SYT3: variants seen among roughly 807,000 people sequenced by gnomAD.
SYT3 encodes the protein synaptotagmin-3.
In SYT3, 25 loss-of-function variants were observed where a neutral mutation model predicts 50.6. That is an observed-to-expected ratio of 0.49 (90% CI 0.36 to 0.69). The LOEUF (loss-of-function observed/expected upper bound fraction) is 0.69. Among genes scored for constraint, SYT3 ranks in the 30% least tolerant of loss-of-function variants. The probability of loss-of-function intolerance (pLI) is 0.00; values close to 1 mark genes in which losing one functional copy is unlikely to be tolerated. For missense variants in SYT3, 589 were observed against 793.6 expected (o/e 0.74, Z 3.10); for synonymous variants, 323 against 353.9 (o/e 0.91, Z 0.98).
At chr19:50,641,566 G>A (rs1462138774), upstream of SYT3, among the ~76,000 whole-genome samples, 1 of 151,264 alleles carries the variant, frequency 6.6e-6, no homozygotes, top group African/African-American at 2.4e-5. Context: ...AGAATAAATA[G>A]CCAGGTGCGG....
At chr19:50,626,041 G>A (rs1220312615) in intron 6 of SYT3, 24 bp from the exon 7 acceptor site, 83 of 1,609,930 alleles carry the variant, frequency 5.2e-5, no homozygotes, top group Non-Finnish European at 6.9e-5. Flanking sequence ...AAAGGTCAGC[G>A]ATATCTTGCC....
upstream of SYT3, among the ~76,000 whole-genome samples, chr19:50,640,036 C>A (rs1316445337): frequency 6.6e-6 from 1 of 152,182 alleles, no homozygotes. Context: ...ACTGGGGACC[C>A]AGAGATCTAG....
chr19:50,657,948 C>T, the SYT3 span: 47 of 1,491,576 alleles, frequency 3.2e-5, no homozygotes, highest in Admixed American at 1.0e-3. Flanking sequence ...CAAAATGAAC[C>T]AGGAGGCCAC....
At chr19:50,652,065 C>A in the SYT3 span, among the ~76,000 whole-genome samples, 1,712 of 152,236 alleles carry the variant, frequency 0.011, 10 homozygotes, top group Non-Finnish European at 0.017. Flanking sequence ...CTCACTGCAG[C>A]CTCAAAATCC....
At position 50,625,527 on chromosome 19, in the gene SYT3, C is replaced by A; in HGVS notation, c.1440G>T (p.Arg480=). The A allele has an allele frequency of 6.2e-7, 1 of 1,605,808 alleles. No individual in the cohort carries two copies. The highest frequency in any genetic ancestry group is 8.5e-7 in the Non-Finnish European group (1 of 1,176,326). ...YVKASLISEG[R]RLKKRKTSIK... is the part of the protein sequence containing the mutation. ...TGGAGGTTTTCCGCTTCTTCAGACG[C>A]CGCCCCTCGCTGATCAGGGAGGCCT... The change falls in exon 8 of 11, where the codon CGG becomes CGT. Residue 480 remains arginine (R), a synonymous_variant. Coordinates refer to ENST00000600079, the MANE Select transcript of SYT3 (RefSeq NM_001160329.2). The surrounding 1 kb of genome is among the most constrained non-coding windows in gnomAD (Gnocchi z 7.5).
At position 50,625,783 on chromosome 19, in the gene SYT3, C is replaced by A; in HGVS notation, c.1402+114G>T. Reference sequence around the variant, plus strand: ...CCCTCCTCCCTCAGACCCAGGAGTCCAGATCCCCAGCTCCTCCTCCCTCAG... The same window carrying A: ...CCCTCCTCCCTCAGACCCAGGAGTCAAGATCCCCAGCTCCTCCTCCCTCAG... On this transcript the variant is annotated intron_variant, in intron 7 of 10. Transcript: ENST00000600079. This position sits in a 1 kb window ranked among gnomAD's most constrained non-coding sequence, Gnocchi z 7.5. The A allele has an allele frequency of 2.2e-5, 13 of 598,028 alleles. 6 individuals are homozygous for A. The highest frequency in any genetic ancestry group is 7.5e-5 in the Admixed American group (2 of 26,794). The allele number at this position is 598,028 out of a possible 1,614,324, so 37.0% of individuals were successfully genotyped here. A position where few individuals can be genotyped will look rare whatever the true frequency, so the allele number is the denominator to read the frequency against.
rs753108368 is a variant in SYT3, at chr19:50,637,349, A to G, written c.63T>C (p.Cys21=). 2 of 1,612,686 alleles carry G rather than the reference A, an allele frequency of 1.2e-6. No individual in the cohort carries two copies. The highest frequency in any genetic ancestry group is 1.1e-5 in the South Asian group (1 of 91,076). Reference sequence around the variant, plus strand: ...TGGTGTCAGCATCTCGGACCCGCGCACAGAGGTCCGAGACCAGGATGAGTG... The same window carrying G: ...TGGTGTCAGCATCTCGGACCCGCGCGCAGAGGTCCGAGACCAGGATGAGTG... ...RRALILVSDL[C]ARVRDADTND... Residue 21 remains cysteine (C), a synonymous_variant, in exon 3 of 11, where the codon TGT becomes TGC. Transcript: ENST00000600079. The surrounding 1 kb of genome is among the most constrained non-coding windows in gnomAD (Gnocchi z 4.9).
At chr19:50,650,392 T>G in the SYT3 span, among the ~76,000 whole-genome samples, 1 of 152,206 alleles carries the variant, frequency 6.6e-6, no homozygotes, top group Non-Finnish European at 1.5e-5. Context: ...AACTCAGGAC[T>G]GGGTGTGGTG....
At chr19:50,644,390 G>A (rs1199401778), upstream of SYT3, among the ~76,000 whole-genome samples, 1 of 151,982 alleles carries the variant, frequency 6.6e-6, no homozygotes, top group East Asian at 1.9e-4. Flanking sequence ...ATGATTGGAT[G>A]GATAGATGAA....
the SYT3 span, among the ~76,000 whole-genome samples, chr19:50,648,134 C>G: frequency 6.6e-6 from 1 of 152,142 alleles, no homozygotes; most frequent in Non-Finnish European, 1.5e-5. Flanking sequence ...CTCGTGTTGT[C>G]TTTGCTCTCA....
chr19:50,632,382 C>G lies in SYT3; in HGVS notation c.578G>C (p.Gly193Ala), dbSNP rs1197818694. ...CAGCAGGAGCAACCCAGAGCCTGCT[C>G]CCCCCTCAGAGGGCAGCTCAGGGGA... ...QTSPELPSEG[G>A]AGSGLLLLPP... The change falls in exon 4 of 11, where the codon GGA becomes GCA. Residue 193 changes from glycine (G) to alanine (A), a missense_variant. Gly to Ala is a moderately conservative substitution (Grantham distance 60). Coordinates refer to ENST00000600079, the MANE Select transcript of SYT3 (RefSeq NM_001160329.2). This position sits in a 1 kb window ranked among gnomAD's most constrained non-coding sequence, Gnocchi z 4.7. 2 of 1,612,770 alleles carry G rather than the reference C, an allele frequency of 1.2e-6. No homozygotes were observed. Among genetic ancestry groups the G allele is most frequent in the African/African-American group, 1.3e-5 (1 of 74,908 alleles).
intron 9 of SYT3, among the ~76,000 whole-genome samples, chr19:50,624,539 G>T (rs183112692): frequency 4.8e-5 from 7 of 145,782 alleles, no homozygotes; most frequent in African/African-American, 1.8e-4. Context: ...CTGATCAAGC[G>T]ATAATCTTAA....
At chr19:50,643,235 G>T, upstream of SYT3, among the ~76,000 whole-genome samples, 1 of 152,072 alleles carries the variant, frequency 6.6e-6, no homozygotes, top group East Asian at 1.9e-4. Flanking sequence ...GCCGGGCATG[G>T]TGGCACACAC....
rs1359084188 is a variant in SYT3 at position 50,632,443 on chromosome 19, C to T, written c.517G>A (p.Ala173Thr). The T allele has an allele frequency of 1.2e-6, 2 of 1,613,350 alleles. No individual in the cohort carries two copies. The highest frequency in any genetic ancestry group is 1.7e-6 in the Non-Finnish European group (2 of 1,179,868). Reference sequence around the variant, plus strand: ...GGTTTGACCCCAGCGGCCACTGCTGCTGCTGCAGCCTCTGGATACGAGTCC... The same window carrying T: ...GGTTTGACCCCAGCGGCCACTGCTGTTGCTGCAGCCTCTGGATACGAGTCC... ...DMDSYPEAAA[A>T]AVAAGVKPSQ... Residue 173 changes from alanine (A) to threonine (T), a missense_variant, in exon 4 of 11, where the codon GCA (alanine) becomes ACA (threonine). Physicochemically the swap from Ala to Thr is moderately conservative, Grantham distance 58 (BLOSUM62 0). This residue lies in a region of SYT3 where 316 missense variants were observed against 354.3 expected (regional missense o/e 0.89). Transcript: ENST00000600079. The surrounding 1 kb of genome is among the most constrained non-coding windows in gnomAD (Gnocchi z 4.7).
intron 4 of SYT3, among the ~76,000 whole-genome samples, chr19:50,631,195 T>C (rs1984292709): frequency 6.8e-6 from 1 of 147,908 alleles, no homozygotes; most frequent in East Asian, 2.0e-4. Context: ...TGAGATGGAG[T>C]CTCACTCTGC....
At chr19:50,656,235 CCTGCGG>C in the SYT3 span, 1 of 1,536,098 alleles carries the variant, frequency 6.5e-7, no homozygotes, top group Non-Finnish European at 8.7e-7. Context: ...GAAAGCAGTA[CCTGCGG>C]CAGGTCATTG....
At chr19:50,654,320 T>C in the SYT3 span, among the ~76,000 whole-genome samples, 1 of 152,136 alleles carries the variant, frequency 6.6e-6, no homozygotes, top group African/African-American at 2.4e-5. Context: ...TTTTTGTTTT[T>C]GAGATGGAGT....
In SYT3 at chr19:50,639,700, C is replaced by G. The variant is rs985407151; in HGVS notation, c.-154+90G>C. The G allele has an allele frequency of 1.3e-5, 2 of 153,074 alleles. No homozygotes were observed. The highest frequency in any genetic ancestry group is 4.8e-5 in the African/African-American group (2 of 41,370). The allele number at this position is 153,074 out of a possible 1,614,324, so 9.5% of individuals were successfully genotyped here. A position where few individuals can be genotyped will look rare whatever the true frequency, so the allele number is the denominator to read the frequency against. On this transcript the variant is annotated intron_variant, in intron 1 of 10. Transcript: ENST00000600079. The surrounding 1 kb of genome is among the most constrained non-coding windows in gnomAD (Gnocchi z 4.6). Reference sequence around the variant, plus strand: ...CCGGCCCGAGATCCACGCGCCTCTGCATCTACCCCGCCCCCATGCGCCGGG... The same window carrying G: ...CCGGCCCGAGATCCACGCGCCTCTGGATCTACCCCGCCCCCATGCGCCGGG...
the SYT3 span, among the ~76,000 whole-genome samples, chr19:50,648,127 G>A: frequency 1.1e-4 from 16 of 152,134 alleles, no homozygotes; most frequent in East Asian, 1.9e-3. Flanking sequence ...TGCTTCCCTC[G>A]TGTTGTCTTT....
Sources: gnomAD v4.1 joint callset for allele counts (sites outside exome capture counted in the v4.1 genomes callset) on GRCh38, gnomAD v4.1.1 for gene constraint, gnomAD v4.1.1 regional missense constraint, Gnocchi (gnomAD v3.1) non-coding constraint, MANE v1.5 for transcripts, NCBI Gene and HGNC (gene_info 2026-07-23, HGNC 2026-07-21) for gene names.